The following GFOD1 variants were observed in gnomAD, a reference collection of about 807,000 sequenced individuals.
GFOD1 encodes the protein Gfo/Idh/MocA-like oxidoreductase domain containing 1, also known as glucose-fructose oxidoreductase domain-containing protein 1.
GFOD1 carries 9 observed loss-of-function variants against 25.4 expected under a neutral mutation model. That is an observed-to-expected ratio of 0.35 (90% CI 0.21 to 0.62). The LOEUF is 0.62. GFOD1 is among the 20% of genes least tolerant of loss of function. The pLI, the probability that GFOD1 is intolerant of heterozygous loss-of-function variation, is 0.72. For missense variants in GFOD1, 403 were observed against 556.9 expected, an observed-to-expected ratio of 0.72 and a Z score of 2.78; for synonymous variants, 253 against 245.6, an observed-to-expected ratio of 1.03 and a Z score of -0.28.
At chr6:13,398,371 C>T (rs900239663) in intron 1 of GFOD1, among the ~76,000 whole-genome samples, 10 of 152,158 alleles carry the variant, frequency 6.6e-5, no homozygotes, top group Admixed American at 2.6e-4. Context: ...ACCTCCGTTT[C>T]GAGTTTATCC....
At chr6:13,439,432 C>T (rs921220423) in intron 1 of GFOD1, among the ~76,000 whole-genome samples, 1 of 152,184 alleles carries the variant, frequency 6.6e-6, no homozygotes, top group African/African-American at 2.4e-5. Context: ...CATTCCCTTG[C>T]CTCCCTTCTA....
rs183072467 is a variant in GFOD1, at chr6:13,417,973, T to C, written c.254-52311A>G. The stretch of plus-strand genomic sequence containing the variant: ...TGCATGGGTGAATTTCAAAACAATA[T>C]GCAACAGTCCAAGTGAGAAAACAAA... On this transcript the variant is annotated intron_variant, in intron 1 of 1. Coordinates refer to ENST00000379287, the MANE Select transcript of GFOD1 (RefSeq NM_018988.4). Among the ~76,000 whole-genome samples, 49 of 152,222 alleles carry C rather than the reference T, an allele frequency of 3.2e-4. No individual in the cohort carries two copies. In the East Asian group the frequency reaches 8.9e-3, roughly 28 times the overall value.
chr6:13,381,386 A>C (rs182261913), intron 1 of GFOD1, among the ~76,000 whole-genome samples: 114 of 152,302 alleles, frequency 7.5e-4, no homozygotes, highest in African/African-American at 2.3e-3. Flanking sequence ...TTAAGTTTTC[A>C]TATTTTCTCT....
intron 1 of GFOD1, among the ~76,000 whole-genome samples, chr6:13,377,905 G>A (rs1785285966): frequency 6.6e-6 from 1 of 152,154 alleles, no homozygotes; most frequent in African/African-American, 2.4e-5. Context: ...AGGTGCTCTA[G>A]GGTTTTTAAG....
rs72062296 is a variant in GFOD1 at position 13,363,555 on chromosome 6, C to CTTTTTTTTTT, written c.*1178_*1187dup. The CTTTTTTTTTT allele has an allele frequency of 2.5e-5, 2 of 78,970 alleles. No individual in the cohort carries two copies. The highest frequency in any genetic ancestry group is 9.4e-5 in the African/African-American group (2 of 21,198). 4.9% of individuals were successfully genotyped at this position (78,970 alleles called of 1,614,324 possible). A position where few individuals can be genotyped will look rare whatever the true frequency, so the allele number is the denominator to read the frequency against. On this transcript the variant is annotated 3_prime_UTR_variant, in exon 2 of 2. Transcript: ENST00000379287. ...GCAAATGCTGGAGCTAAGGAAAATC[C>CTTTTTTTTTT]TTTTTTTTTTTTTTTTTTTTTTTTT...
intron 1 of GFOD1, among the ~76,000 whole-genome samples, chr6:13,433,437 G>T (rs182141294): frequency 8.3e-4 from 126 of 152,230 alleles, no homozygotes; most frequent in Admixed American, 1.6e-3. Flanking sequence ...ACTTTTTGTT[G>T]TAGGGAGCTG....
intron 1 of GFOD1, among the ~76,000 whole-genome samples, chr6:13,402,270 G>C (rs1052665208): frequency 1.3e-5 from 2 of 152,052 alleles, no homozygotes; most frequent in African/African-American, 4.8e-5. Context: ...TTGACATCTC[G>C]GGTTTAGGCA....
At chr6:13,395,104 T>C (rs1032857997) in intron 1 of GFOD1, among the ~76,000 whole-genome samples, 2 of 152,208 alleles carry the variant, frequency 1.3e-5, no homozygotes, top group Admixed American at 6.5e-5. Context: ...TTTTTTCTCG[T>C]AGAGACAGTG....
chr6:13,446,752 G>A (rs556901396), intron 1 of GFOD1, among the ~76,000 whole-genome samples: 7 of 152,310 alleles, frequency 4.6e-5, no homozygotes, highest in East Asian at 3.9e-4. Context: ...GGTAAGGGCC[G>A]ATGTGATCCC....
chr6:13,483,884 T>C (rs1056556239), intron 1 of GFOD1, among the ~76,000 whole-genome samples: 2 of 152,172 alleles, frequency 1.3e-5, no homozygotes, highest in Admixed American at 6.5e-5. Context: ...GGAGCTAATA[T>C]CTATCTTAGA....
At chr6:13,370,673 C>T (rs999474670) in intron 1 of GFOD1, among the ~76,000 whole-genome samples, 4 of 151,482 alleles carry the variant, frequency 2.6e-5, no homozygotes, top group African/African-American at 9.7e-5. Context: ...TAAGTATAGA[C>T]TTCTAGTCAG....
intron 1 of GFOD1, among the ~76,000 whole-genome samples, chr6:13,442,222 C>A (rs1011781273): frequency 1.3e-5 from 2 of 152,210 alleles, no homozygotes; most frequent in African/African-American, 4.8e-5. Context: ...CTTAGCCATT[C>A]CACAGTATAT....
At position 13,388,161 on chromosome 6, in the gene GFOD1, T is replaced by A. The variant is rs2127560405; in HGVS notation, c.254-22499A>T. Among the ~76,000 whole-genome samples the A allele has an allele frequency of 1.3e-5, 2 of 152,308 alleles. 1 individual carries two copies. The highest frequency in any genetic ancestry group is 4.1e-4 in the South Asian group (2 of 4,826). On this transcript the variant is annotated intron_variant, in intron 1 of 1. Transcript: ENST00000379287. ...ATTCCATGCTCATGGTTAGGAAGAA[T>A]CAATGTTGTGAAAATGGCCATACTG...
At chr6:13,464,606 G>A (rs1278796131) in intron 1 of GFOD1, among the ~76,000 whole-genome samples, 1 of 152,174 alleles carries the variant, frequency 6.6e-6, no homozygotes, top group East Asian at 1.9e-4. Context: ...GGATGCTCCT[G>A]TGAAAGTATT....
At chr6:13,395,244 T>C (rs1785704627) in intron 1 of GFOD1, among the ~76,000 whole-genome samples, 1 of 152,112 alleles carries the variant, frequency 6.6e-6, no homozygotes, top group African/African-American at 2.4e-5. Context: ...GTCCCTTAGA[T>C]GGGAAATGGG....
chr6:13,390,145 T>C (rs988683251), intron 1 of GFOD1, among the ~76,000 whole-genome samples: 6 of 152,182 alleles, frequency 3.9e-5, no homozygotes, highest in African/African-American at 1.4e-4. Context: ...GAGCCAGTTA[T>C]GACTTTCCGA....
At chr6:13,443,838 AT>A (rs1435059992) in intron 1 of GFOD1, among the ~76,000 whole-genome samples, 3 of 149,036 alleles carry the variant, frequency 2.0e-5, no homozygotes, top group African/African-American at 7.4e-5. Context: ...AAAAAAAAAA[AT>A]CATCACAGCT....
intron 1 of GFOD1, chr6:13,486,326 A>C: frequency 5.0e-6 from 2 of 396,758 alleles, no homozygotes; most frequent in Non-Finnish European, 9.0e-6. Flanking sequence ...GGAGCACCCT[A>C]TCCCCTATTA....
intron 1 of GFOD1, among the ~76,000 whole-genome samples, chr6:13,396,890 T>C (rs1328478777): frequency 1.3e-5 from 2 of 152,238 alleles, no homozygotes; most frequent in East Asian, 1.9e-4. Flanking sequence ...TGTATTGTTT[T>C]AAGCCACTAA....
Sources: allele counts gnomAD v4.1 joint callset (sites outside exome capture counted in the v4.1 genomes callset), GRCh38; gene constraint gnomAD v4.1.1; transcripts MANE v1.5; gene names NCBI Gene and HGNC (gene_info 2026-07-23, HGNC 2026-07-21).